Variants in HECTD4 observed in about 807,000 individuals in gnomAD.
The protein encoded by HECTD4 is HECT domain E3 ubiquitin protein ligase 4.
In HECTD4, 114 loss-of-function variants were observed where a neutral mutation model predicts 471.5. The ratio of observed to expected loss-of-function variants is 0.24; its 90% CI spans 0.21 to 0.28. The LOEUF (loss-of-function observed/expected upper bound fraction) is 0.28, where lower values mean the gene tolerates loss of function less well. Among genes scored for constraint, HECTD4 ranks in the 10% least tolerant of loss-of-function variants. The probability of loss-of-function intolerance (pLI) is 1.00; values close to 1 mark genes in which losing one functional copy is unlikely to be tolerated. For missense variants in HECTD4, 3,866 were observed against 5,651.5 expected (o/e 0.68, Z 10.13); for synonymous variants, 2,012 against 2,256.0 (o/e 0.89, Z 3.07).
intron 1 of HECTD4, among the ~76,000 whole-genome samples, chr12:112,374,028 C>G (rs956447004): frequency 7.0e-6 from 1 of 142,854 alleles, no homozygotes; most frequent in East Asian, 2.1e-4. Flanking sequence ...AAAAAAGTAA[C>G]TAGTGATTTC....
At chr12:112,276,811 A>G (rs1372437455) in intron 9 of HECTD4, among the ~76,000 whole-genome samples, 2 of 152,252 alleles carry the variant, frequency 1.3e-5, no homozygotes, top group Non-Finnish European at 2.9e-5. Flanking sequence ...GAAGGTATAC[A>G]AATGGCCAAT....
At chr12:112,198,547 G>A (rs1290341920) in intron 55 of HECTD4, among the ~76,000 whole-genome samples, 1 of 152,198 alleles carries the variant, frequency 6.6e-6, no homozygotes, top group Admixed American at 6.5e-5. Context: ...TCGTGGTGGA[G>A]GTAGGAATGG....
intron 6 of HECTD4, 113 bp downstream of exon 6, chr12:112,308,640 T>C: frequency 1.0e-6 from 1 of 975,220 alleles, no homozygotes; most frequent in Non-Finnish European, 1.5e-6. Flanking sequence ...ATTAAAAGGA[T>C]GCCACTCTGG....
intron 55 of HECTD4, among the ~76,000 whole-genome samples, chr12:112,197,561 C>T (rs1395633860): frequency 6.6e-6 from 1 of 152,148 alleles, no homozygotes; most frequent in East Asian, 1.9e-4. Context: ...TGTGCCAGGA[C>T]CAGAAATCCA....
chr12:112,251,241 C>T lies in HECTD4; in HGVS notation c.3553-107G>A. 1.3e-5 allele frequency: 14 copies of T among 1,078,918 alleles called. No homozygotes were observed. In the South Asian group the frequency reaches 2.0e-4, roughly 15 times the overall value. 66.8% of individuals were successfully genotyped at this position (1,078,918 alleles called of 1,614,324 possible). A position where few individuals can be genotyped will look rare whatever the true frequency, so the allele number is the denominator to read the frequency against. Reference sequence around the variant, plus strand: ...TCCCCAACCACAGGGTTCTACAGAGCAGCATCGAGTATCACTGCTAGGGGA... The same window carrying T: ...TCCCCAACCACAGGGTTCTACAGAGTAGCATCGAGTATCACTGCTAGGGGA... On this transcript the variant is annotated intron_variant, in intron 23 of 75. Coordinates refer to ENST00000682272, the MANE Select transcript of HECTD4 (RefSeq NM_001388303.1).
intron 21 of HECTD4, among the ~76,000 whole-genome samples, chr12:112,255,055 G>A (rs904798432): frequency 1.3e-5 from 2 of 152,180 alleles, no homozygotes. Context: ...GGGACCACTG[G>A]AAAAGTAAAT....
chr12:112,193,073 C>T lies in HECTD4; in HGVS notation c.9074G>A (p.Gly3025Glu). 1.2e-6 allele frequency: 2 copies of T among 1,614,008 alleles called. No homozygotes were observed. Among genetic ancestry groups the T allele is most frequent in the African/African-American group, 2.7e-5 (2 of 75,046 alleles). The part of the protein sequence containing the change: ...VVVSCKESQS[G>E]FRKDSSLYKA... ...ACAGGCAACTTACTCTTTGCGGAAT[C>T]CAGATTGACTTTCTTTACAAGACAC... The change falls in exon 58 of 76, where the codon GGA becomes GAA. Residue 3025 changes from glycine (G) to glutamate (E), a missense_variant. By Grantham distance (98) the Gly-to-Glu change is moderately conservative. Coordinates refer to ENST00000682272, the MANE Select transcript of HECTD4 (RefSeq NM_001388303.1). This position sits in a 1 kb window ranked among gnomAD's most constrained non-coding sequence, Gnocchi z 5.2.
At chr12:112,248,985 T>C (rs1456517555) in intron 25 of HECTD4, among the ~76,000 whole-genome samples, 2 of 152,236 alleles carry the variant, frequency 1.3e-5, no homozygotes, top group African/African-American at 2.4e-5. Context: ...GAGGTATGAA[T>C]AGTATAATGG....
At chr12:112,232,706 C>T (rs1339469891) in intron 38 of HECTD4, among the ~76,000 whole-genome samples, 1 of 152,144 alleles carries the variant, frequency 6.6e-6, no homozygotes, top group African/African-American at 2.4e-5. Context: ...TCAACTATCT[C>T]ACCTATCTCA....
At chr12:112,355,214 T>C (rs1273628687) in intron 1 of HECTD4, among the ~76,000 whole-genome samples, 1 of 148,696 alleles carries the variant, frequency 6.7e-6, no homozygotes, top group Non-Finnish European at 1.5e-5. Flanking sequence ...ACTCCTGACT[T>C]CAGGCCCGCC....
chr12:112,163,155 A>G lies in HECTD4; in HGVS notation c.13007T>C (p.Phe4336Ser). 1 of 1,613,956 alleles carries G rather than the reference A, an allele frequency of 6.2e-7. No homozygotes were observed. Among genetic ancestry groups the G allele is most frequent in the Non-Finnish European group, 8.5e-7 (1 of 1,179,862 alleles). Residue 4336 changes from phenylalanine to serine, a missense_variant, in exon 75 of 76, where the codon TTT (phenylalanine) becomes TCT (serine). Transcript: ENST00000682272. The surrounding 1 kb of genome is among the most constrained non-coding windows in gnomAD (Gnocchi z 8.2). ...TQEELCKFIK[F>S]ACNQERIPFT... is the part of the protein sequence containing the mutation. ...CGGGATGCGCTCCTGGTTGCAGGCAAACTTGATGAACTTGCACAGCTCCTC... is the reference window on the plus strand; with the variant it reads ...CGGGATGCGCTCCTGGTTGCAGGCAGACTTGATGAACTTGCACAGCTCCTC...
Position 112,239,972 on chromosome 12 carries a change from C to T in HECTD4, c.5014G>A (p.Glu1672Lys), listed in dbSNP as rs371074885. The T allele has an allele frequency of 1.5e-5, 24 of 1,613,906 alleles. No homozygotes were observed. Among genetic ancestry groups the T allele is most frequent in the Admixed American group, 5.0e-5 (3 of 60,014 alleles). ...AGAGACACAACAGAGGTCATGGTCT[C>T]GCCAAAGGCTTCCTGGACCTGCTCG... Reference protein sequence around the residue: ...MVEQVQEAFGETMTSVVSLCA... With the variant: ...MVEQVQEAFGKTMTSVVSLCA... Residue 1672 changes from glutamate (E) to lysine (K), a missense_variant, in exon 33 of 76, where the codon GAG becomes AAG. By Grantham distance (56) the Glu-to-Lys change is moderately conservative. Around this residue, in one of 16 missense-constraint regions of HECTD4, gnomAD observed 229 missense variants for 386.4 expected, o/e 0.59. Coordinates refer to ENST00000682272, the MANE Select transcript of HECTD4 (RefSeq NM_001388303.1). This position sits in a 1 kb window ranked among gnomAD's most constrained non-coding sequence, Gnocchi z 4.9.
At chr12:112,307,620 T>C (rs575337559) in intron 6 of HECTD4, among the ~76,000 whole-genome samples, 123 of 152,372 alleles carry the variant, frequency 8.1e-4, no homozygotes, top group African/African-American at 2.7e-3. Context: ...GTTCATTTTA[T>C]TCATCCAACA....
At chr12:112,357,092 AGT>A (rs1321708186) in intron 1 of HECTD4, among the ~76,000 whole-genome samples, 2 of 152,168 alleles carry the variant, frequency 1.3e-5, no homozygotes, top group African/African-American at 4.8e-5. Flanking sequence ...AAAGGAACTC[AGT>A]GTTTTCTGAA....
chr12:112,209,662 T>C (rs1566073242), intron 50 of HECTD4, among the ~76,000 whole-genome samples: 1 of 152,250 alleles, frequency 6.6e-6, no homozygotes, highest in Non-Finnish European at 1.5e-5. Context: ...ATATATCCAT[T>C]GCCTAGCATT....
intron 66 of HECTD4, among the ~76,000 whole-genome samples, chr12:112,174,582 T>G (rs1218518649): frequency 2.7e-5 from 4 of 150,254 alleles, no homozygotes; most frequent in African/African-American, 9.9e-5. Flanking sequence ...TTCTTTTTTT[T>G]GAGATGGAGT....
rs2030794276 is a variant in HECTD4 at position 112,163,610 on chromosome 12, T to C, written c.12829A>G (p.Met4277Val). 1 of 1,538,022 alleles carries C rather than the reference T, an allele frequency of 6.5e-7. No individual in the cohort carries two copies. Among genetic ancestry groups the C allele is most frequent in the Non-Finnish European group, 8.8e-7 (1 of 1,141,834 alleles). ...AGCTCCATCTCCAGTGGGCTGAGCA[T>C]GGTCAGCAGCTGCAGGGGGATGATG... ...GSIIPLQLLT[M>V]LSPLEMELRT... is the part of the protein sequence containing the mutation. Residue 4277 changes from methionine to valine, a missense_variant, in exon 74 of 76, where the codon ATG becomes GTG. Transcript: ENST00000682272. The surrounding 1 kb of genome is among the most constrained non-coding windows in gnomAD (Gnocchi z 8.2).
At position 112,228,560 on chromosome 12, in the gene HECTD4, T is replaced by C. The variant is rs1247084348; in HGVS notation, c.6684+87A>G. The C allele has an allele frequency of 7.7e-6, 9 of 1,164,884 alleles. No individual in the cohort carries two copies. The East Asian group carries it at 2.2e-4, about 29-fold the overall frequency. The allele number at this position is 1,164,884 out of a possible 1,614,324, so 72.2% of individuals were successfully genotyped here. On this transcript the variant is annotated intron_variant, in intron 42 of 75. Transcript: ENST00000682272. This position sits in a 1 kb window ranked among gnomAD's most constrained non-coding sequence, Gnocchi z 4.9. ...ACAATTTAAGATAATCAAGCATTTGTGCTTCTGCACTGAGCATGTGCATAG... is the reference window on the plus strand; with the variant it reads ...ACAATTTAAGATAATCAAGCATTTGCGCTTCTGCACTGAGCATGTGCATAG...
At chr12:112,208,708 AC>A in intron 50 of HECTD4, 78 bp from the exon 51 acceptor site, 3 of 1,315,280 alleles carry the variant, frequency 2.3e-6, no homozygotes, top group Non-Finnish European at 3.0e-6. Flanking sequence ...CCTTAGACAA[AC>A]CAGATTATCT....
Sources: allele counts gnomAD v4.1 joint callset (sites outside exome capture counted in the v4.1 genomes callset), GRCh38; gene constraint gnomAD v4.1.1; regional missense constraint gnomAD v4.1.1; non-coding constraint Gnocchi (gnomAD v3.1); transcripts MANE v1.5; gene names NCBI Gene and HGNC (gene_info 2026-07-23, HGNC 2026-07-21).